FKBP9: variants seen among roughly 807,000 people sequenced by gnomAD.
FKBP9 encodes the protein peptidyl-prolyl cis-trans isomerase FKBP9.
Under a neutral mutation model 55.6 loss-of-function variants are expected in FKBP9, and 27 were observed. That is an observed-to-expected ratio of 0.49 (90% CI 0.36 to 0.67). The LOEUF (loss-of-function observed/expected upper bound fraction) is 0.67, where lower values mean the gene tolerates loss of function less well. Ranked by LOEUF, FKBP9 falls within the 30% of genes least tolerant of loss-of-function variation. The pLI is 0.00. For missense variants in FKBP9, 539 were observed against 742.8 expected (o/e 0.73, Z 3.19); for synonymous variants, 267 against 296.5 (o/e 0.90, Z 1.02).
At chr7:32,976,233 T>A in intron 3 of FKBP9, 121 bp from the exon 4 acceptor site, 1 of 1,079,974 alleles carries the variant, frequency 9.3e-7, no homozygotes, top group Non-Finnish European at 1.4e-6. Context: ...TAAATGTCTA[T>A]CTCTAGGATG....
chr7:32,957,611 T>G lies in FKBP9; in HGVS notation c.38T>G (p.Leu13Arg), dbSNP rs769991658. Residue 13 changes from leucine (L) to arginine (R), a missense_variant, in exon 1 of 10, where the codon CTG becomes CGG. Leu to Arg is a moderately radical substitution (Grantham distance 102, BLOSUM62 -2). This residue lies in a region of FKBP9 where 236 missense variants were observed against 271.5 expected (regional missense o/e 0.87). Transcript: ENST00000242209. The part of the protein sequence containing the change: ...FRGWRPPPPP[L>R]LLLLLWVTGQ... ...GGCTGGAGGCCCCCGCCGCCACCGC[T>G]GCTCCTGCTGCTGCTCTGGGTGACC... 1 of 1,482,374 alleles carries G rather than the reference T, an allele frequency of 6.7e-7. No homozygotes were observed. The highest frequency in any genetic ancestry group is 1.3e-5 in the South Asian group (1 of 78,370). 91.8% of individuals were successfully genotyped at this position (1,482,374 alleles called of 1,614,324 possible). A position where few individuals can be genotyped will look rare whatever the true frequency, so the allele number is the denominator to read the frequency against.
chr7:32,973,549 T>A (rs1298916401), intron 1 of FKBP9, among the ~76,000 whole-genome samples: 11 of 144,808 alleles, frequency 7.6e-5, no homozygotes, highest in Non-Finnish European at 9.0e-5. Context: ...CCTCTGTGTT[T>A]AACTTAGCTG....
chr7:32,959,358 C>G (rs761303552), intron 1 of FKBP9, among the ~76,000 whole-genome samples: 1 of 152,196 alleles, frequency 6.6e-6, no homozygotes, highest in Non-Finnish European at 1.5e-5. Flanking sequence ...TGAGCCGAGA[C>G]GTGCCACTGC....
At chr7:32,989,788 T>A (rs1784647698) in intron 6 of FKBP9, among the ~76,000 whole-genome samples, 1 of 152,024 alleles carries the variant, frequency 6.6e-6, no homozygotes, top group Non-Finnish European at 1.5e-5. Flanking sequence ...TATGTTCTAA[T>A]CCCCAGAACC....
At chr7:32,971,245 G>T (rs1784247120) in intron 1 of FKBP9, among the ~76,000 whole-genome samples, 1 of 152,190 alleles carries the variant, frequency 6.6e-6, no homozygotes, top group Non-Finnish European at 1.5e-5. Flanking sequence ...AATTTGTTCA[G>T]AACAACTTTA....
In FKBP9 at chr7:32,957,444, C is replaced by T; in HGVS notation, c.-130C>T. 1.6e-6 allele frequency: 1 copy of T among 627,858 alleles called. No individual in the cohort carries two copies. Among genetic ancestry groups the T allele is most frequent in the Non-Finnish European group, 2.3e-6 (1 of 429,552 alleles). 38.9% of individuals were successfully genotyped at this position (627,858 alleles called of 1,614,324 possible). On this transcript the variant is annotated 5_prime_UTR_variant, in exon 1 of 10. The change creates a new upstream start codon in the 5' untranslated region. Transcript: ENST00000242209. ...CCGGGAGGGCGGGCGGCCGGGGAGA[C>T]GGGGTGGCGGCTGCAGCCCGGGTAG...
chr7:32,976,018 A>G (rs1281979178), intron 3 of FKBP9, among the ~76,000 whole-genome samples: 2 of 152,166 alleles, frequency 1.3e-5, no homozygotes, highest in Admixed American at 6.5e-5. Flanking sequence ...TGGAAGCAAG[A>G]GGGAAAAGAT....
intron 1 of FKBP9, among the ~76,000 whole-genome samples, chr7:32,963,155 G>A (rs1409133037): frequency 1.3e-5 from 2 of 152,256 alleles, no homozygotes; most frequent in African/African-American, 2.4e-5. Flanking sequence ...TCCTTGAAGC[G>A]GGGAGTGTGT....
chr7:33,005,101 G>A (rs1785007792), intron 9 of FKBP9, 74 bp from the exon 10 acceptor site: 1 of 1,566,044 alleles, frequency 6.4e-7, no homozygotes, highest in Non-Finnish European at 8.7e-7. Flanking sequence ...CCCCCAGACT[G>A]CTCTGTTTCT....
At chr7:32,982,301 A>G (rs1221031915) in intron 5 of FKBP9, among the ~76,000 whole-genome samples, 1 of 152,114 alleles carries the variant, frequency 6.6e-6, no homozygotes, top group African/African-American at 2.4e-5. Flanking sequence ...GATTATAGTC[A>G]TGAGCCACTG....
At chr7:32,961,886 C>CA (rs1233383958) in intron 1 of FKBP9, among the ~76,000 whole-genome samples, 1 of 151,972 alleles carries the variant, frequency 6.6e-6, no homozygotes, top group African/African-American at 2.4e-5. Context: ...TGCAGGAAAA[C>CA]AAGCTCAGGG....
chr7:32,992,260 G>A (rs397839693), intron 6 of FKBP9, among the ~76,000 whole-genome samples: 17 of 25,602 alleles, frequency 6.6e-4, no homozygotes, highest in African/African-American at 2.3e-3. Context: ...ACCCACCCCC[G>A]CAGAGGAAAC....
chr7:32,968,277 G>T (rs1274227094), intron 1 of FKBP9, among the ~76,000 whole-genome samples: 1 of 152,210 alleles, frequency 6.6e-6, no homozygotes, highest in East Asian at 1.9e-4. Context: ...TTGGGCTCAA[G>T]CTTCAACCTT....
chr7:32,961,529 A>C (rs559949157), intron 1 of FKBP9, among the ~76,000 whole-genome samples: 1 of 152,298 alleles, frequency 6.6e-6, no homozygotes, highest in South Asian at 2.1e-4. Context: ...ATATCAATTT[A>C]CAAAAATAAA....
At chr7:32,997,408 G>T (rs865880717) in intron 7 of FKBP9, among the ~76,000 whole-genome samples, 6 of 151,722 alleles carry the variant, frequency 4.0e-5, no homozygotes, top group Non-Finnish European at 5.9e-5. Flanking sequence ...AGATGGGGGG[G>T]GTCTCACTAT....
At chr7:32,973,569 A>T (rs1356971632) in intron 1 of FKBP9, among the ~76,000 whole-genome samples, 10 of 69,034 alleles carry the variant, frequency 1.4e-4, no homozygotes, top group Admixed American at 7.7e-4. Context: ...GGATGACTTT[A>T]AAAAAAATCA....
intron 5 of FKBP9, among the ~76,000 whole-genome samples, chr7:32,982,984 A>ATGTGTGTGTGTGTGTGTGTG (rs71559288): frequency 2.1e-5 from 3 of 142,212 alleles, no homozygotes; most frequent in East Asian, 2.1e-4. Flanking sequence ...GTCAAAGGTT[A>ATGTGTGTGTGTGTGTGTGTG]TGTGTGTGTG....
chr7:32,964,151 A>G (rs1231702684), intron 1 of FKBP9, among the ~76,000 whole-genome samples: 1 of 152,236 alleles, frequency 6.6e-6, no homozygotes, highest in Non-Finnish European at 1.5e-5. Flanking sequence ...GCTACCGTGC[A>G]TTAGCCCTGT....
intron 1 of FKBP9, among the ~76,000 whole-genome samples, chr7:32,967,681 G>A (rs1784171493): frequency 1.3e-5 from 2 of 152,176 alleles, no homozygotes; most frequent in Non-Finnish European, 2.9e-5. Context: ...AAATCGTGCT[G>A]AGTTGAACAT....
Sources: allele counts gnomAD v4.1 joint callset (sites outside exome capture counted in the v4.1 genomes callset), GRCh38; gene constraint gnomAD v4.1.1; regional missense constraint gnomAD v4.1.1; transcripts MANE v1.5; gene names NCBI Gene and HGNC (gene_info 2026-07-23, HGNC 2026-07-21).